DBT: variants seen among roughly 807,000 people sequenced by gnomAD.
DBT encodes lipoamide acyltransferase component of branched-chain alpha-keto acid dehydrogenase complex, mitochondrial.
DBT carries 40 observed loss-of-function variants against 51.3 expected under a neutral mutation model. That is an observed-to-expected ratio of 0.78 (90% confidence interval 0.61 to 1.02). DBT has a LOEUF of 1.02. Among genes scored for constraint, DBT ranks in the 50% least tolerant of loss-of-function variants. DBT has a pLI of 0.00. For synonymous variants in DBT, 181 were observed against 190.4 expected (o/e 0.95, Z 0.41); for missense variants, 510 against 580.2 (o/e 0.88, Z 1.24).
intron 8 of DBT, among the ~76,000 whole-genome samples, chr1:100,208,994 G>T (rs1457545509): frequency 1.3e-5 from 2 of 150,542 alleles, no homozygotes; most frequent in Non-Finnish European, 3.0e-5. Flanking sequence ...ATGTAAAAAT[G>T]AAATCCTAGA....
chr1:100,241,096 T>G (rs1269273629), intron 1 of DBT, among the ~76,000 whole-genome samples: 2 of 152,192 alleles, frequency 1.3e-5, no homozygotes, highest in African/African-American at 4.8e-5. Flanking sequence ...TCTGTATAAA[T>G]ACATCAGCTT....
rs745869101 is a variant in DBT at position 100,216,181 on chromosome 1, C to CA, written c.573dup (p.Val192CysfsTer11). On this transcript the variant is annotated frameshift_variant, in exon 6 of 11. Coordinates refer to ENST00000370132, the MANE Select transcript of DBT (RefSeq NM_001918.5). LOFTEE classifies it high-confidence loss of function. ...ATTCTGCCATCTTTTCCTGAGCCAACAACTTCACTCAGCTTAATCTAAAAA... is the reference window on the plus strand; with the variant it reads ...ATTCTGCCATCTTTTCCTGAGCCAACAAACTTCACTCAGCTTAATCTAAAAA... 2 of 1,612,400 alleles carry CA rather than the reference C, an allele frequency of 1.2e-6. No homozygotes were observed. Among genetic ancestry groups the CA allele is most frequent in the Non-Finnish European group, 1.7e-6 (2 of 1,178,562 alleles).
intron 7 of DBT, among the ~76,000 whole-genome samples, chr1:100,212,883 A>C (rs1662238822): frequency 6.6e-6 from 1 of 152,216 alleles, no homozygotes; most frequent in Admixed American, 6.5e-5. Context: ...TGTATGCCAC[A>C]CTAAGGAGTA....
chr1:100,187,819 TG>T lies in DBT; in HGVS notation c.*8435del, dbSNP rs2101811331. ...TTTTCATATTTCTACAAATATTTTA[TG>T]GAATGTTTAATATCTTGTAAATGTG... On this transcript the variant is annotated 3_prime_UTR_variant, in exon 11 of 11. Transcript: ENST00000370132. 1 of 152,316 alleles carries T rather than the reference TG, an allele frequency of 6.6e-6. No individual in the cohort carries two copies. Among genetic ancestry groups the T allele is most frequent in the Non-Finnish European group, 1.5e-5 (1 of 68,040 alleles). The allele number at this position is 152,316 out of a possible 1,614,324, so 9.4% of individuals were successfully genotyped here. A position where few individuals can be genotyped will look rare whatever the true frequency, so the allele number is the denominator to read the frequency against.
intron 10 of DBT, 28 bp downstream of exon 10, chr1:100,206,202 C>T (rs747391562): frequency 6.1e-5 from 94 of 1,544,628 alleles, no homozygotes; most frequent in Non-Finnish European, 7.1e-6. Flanking sequence ...TGCTTAAACT[C>T]CATTTTTCAG....
intron 10 of DBT, among the ~76,000 whole-genome samples, chr1:100,204,980 T>TA (rs1661678897): frequency 6.6e-6 from 1 of 152,180 alleles, no homozygotes; most frequent in Non-Finnish European, 1.5e-5. Flanking sequence ...GACTGAAATG[T>TA]AAGACCTAAA....
chr1:100,225,049 A>G (rs12565098), intron 4 of DBT, among the ~76,000 whole-genome samples: 60,500 of 84,034 alleles, frequency 0.72, 23,841 homozygotes, highest in Middle Eastern at 0.85. Flanking sequence ...AAAAATATAT[A>G]TATACACACA....
chr1:100,226,332 A>G lies in DBT; in HGVS notation c.433+4401T>C, dbSNP rs1339314010. Among the ~76,000 whole-genome samples, 3 of 139,338 alleles carry G rather than the reference A, an allele frequency of 2.2e-5. No homozygotes were observed. In the Admixed American group the frequency reaches 2.3e-4, roughly 11 times the overall value. 91.4% of individuals were successfully genotyped at this position (139,338 alleles called of 152,430 possible). On this transcript the variant is annotated intron_variant, in intron 4 of 10. Transcript: ENST00000370132. ...ACAGGGTCCTGTTGTTACCCAGGCT[A>G]GAGTGCAGTGGCATTAACACAGCTC...
intron 1 of DBT, chr1:100,249,455 G>T (rs1208137443): frequency 2.0e-6 from 1 of 506,370 alleles, no homozygotes; most frequent in Non-Finnish European, 3.6e-6. Flanking sequence ...TATATCTCTG[G>T]ATCCACAGCG....
intron 1 of DBT, among the ~76,000 whole-genome samples, chr1:100,247,965 G>A (rs1653054438): frequency 6.6e-6 from 1 of 152,020 alleles, no homozygotes; most frequent in Non-Finnish European, 1.5e-5. Context: ...AGCTGGGCAT[G>A]GTGGCGTGTG....
At chr1:100,209,184 A>C (rs548221337) in intron 8 of DBT, among the ~76,000 whole-genome samples, 2 of 149,170 alleles carry the variant, frequency 1.3e-5, no homozygotes, top group East Asian at 4.0e-4. Flanking sequence ...TGCAACCTCC[A>C]TCTCCCAGGT....
intron 7 of DBT, among the ~76,000 whole-genome samples, chr1:100,214,584 G>A (rs576287532): frequency 6.6e-6 from 1 of 152,214 alleles, no homozygotes; most frequent in South Asian, 2.1e-4. Context: ...GCGAAACCAC[G>A]TGTCTACTAA....
intron 4 of DBT, among the ~76,000 whole-genome samples, chr1:100,220,557 G>A (rs59841386): frequency 0.025 from 3,876 of 152,262 alleles, 174 homozygotes; most frequent in African/African-American, 0.088. Flanking sequence ...AGGTAAGGAA[G>A]GGAAGAGAAA....
rs960376460 is a variant in DBT at position 100,188,990 on chromosome 1, A to C, written c.*7265T>G. ...ATTTCCATTTTATTCTGAACTTGCA[A>C]ACATCAGAGATTCGTGCTATCTTCA... On this transcript the variant is annotated 3_prime_UTR_variant, in exon 11 of 11. Transcript: ENST00000370132. 1 of 152,230 alleles carries C rather than the reference A, an allele frequency of 6.6e-6. No homozygotes were observed. Among genetic ancestry groups the C allele is most frequent in the Admixed American group, 6.5e-5 (1 of 15,280 alleles). The allele number at this position is 152,230 out of a possible 1,614,324, so 9.4% of individuals were successfully genotyped here. A position where few individuals can be genotyped will look rare whatever the true frequency, so the allele number is the denominator to read the frequency against.
intron 1 of DBT, 22 bp downstream of exon 1, chr1:100,249,748 A>T (rs1296527196): frequency 6.2e-7 from 1 of 1,612,560 alleles, no homozygotes; most frequent in Admixed American, 1.7e-5. Context: ...TCCCGGCCTC[A>T]GATCTGCCCA....
At chr1:100,210,862 G>C in intron 7 of DBT, 91 bp from the exon 8 acceptor site, 1 of 1,579,196 alleles carries the variant, frequency 6.3e-7, no homozygotes, top group Non-Finnish European at 8.7e-7. Context: ...AGGAGGGAGA[G>C]AGAGAACTCT....
chr1:100,209,244 A>G (rs1280686925), intron 8 of DBT, among the ~76,000 whole-genome samples: 1 of 151,414 alleles, frequency 6.6e-6, no homozygotes, highest in Non-Finnish European at 1.5e-5. Flanking sequence ...AACTATAGGC[A>G]TGCACCACCA....
chr1:100,197,711 C>G (rs1661196839), intron 10 of DBT, among the ~76,000 whole-genome samples: 1 of 152,146 alleles, frequency 6.6e-6, no homozygotes, highest in Non-Finnish European at 1.5e-5. Context: ...AGGTATTCTG[C>G]AAGTCAATAT....
intron 8 of DBT, among the ~76,000 whole-genome samples, chr1:100,208,615 G>A (rs1661936176): frequency 6.6e-6 from 1 of 151,846 alleles, no homozygotes; most frequent in South Asian, 2.1e-4. Flanking sequence ...TGAAAATGAA[G>A]AGGCTGGGCA....
Sources: gnomAD v4.1 joint callset for allele counts (sites outside exome capture counted in the v4.1 genomes callset) on GRCh38, gnomAD v4.1.1 for gene constraint, MANE v1.5 for transcripts, NCBI Gene and HGNC (gene_info 2026-07-23, HGNC 2026-07-21) for gene names.